LRRC8C: variants seen among roughly 807,000 people sequenced by gnomAD.
LRRC8C encodes the protein volume-regulated anion channel subunit LRRC8C.
In LRRC8C, 20 loss-of-function variants were observed where a neutral mutation model predicts 55.3. The observed-to-expected ratio is 0.36, with a 90% confidence interval of 0.25 to 0.53. The LOEUF is 0.53. Among genes scored for constraint, LRRC8C ranks in the 20% least tolerant of loss-of-function variants. The pLI, the probability that LRRC8C is intolerant of heterozygous loss-of-function variation, is 0.92. For missense variants in LRRC8C, 659 were observed against 951.4 expected (o/e 0.69, Z 4.04); for synonymous variants, 376 against 360.7 (o/e 1.04, Z -0.48).
At chr1:89,674,905 C>G (rs1657512788) in intron 1 of LRRC8C, among the ~76,000 whole-genome samples, 1 of 152,204 alleles carries the variant, frequency 6.6e-6, no homozygotes, top group Non-Finnish European at 1.5e-5. Context: ...AAACATCAGT[C>G]TCTTGGTTTC....
Position 89,710,233 on chromosome 1 carries a change from G to C in LRRC8C, c.139-2476G>C, listed in dbSNP as rs190349223. 1.5e-4 allele frequency among the ~76,000 whole-genome samples: 23 copies of C among 152,230 alleles called. 1 individual carries two copies. In the East Asian group the frequency reaches 3.1e-3, roughly 20 times the overall value. On this transcript the variant is annotated intron_variant, in intron 2 of 2. Transcript: ENST00000370454. ...ATGAACAGGAAAGCATCTGGAACAT[G>C]ATCCCAAGCCCTTCTCTTTTATGTT...
intron 1 of LRRC8C, chr1:89,661,309 G>A: frequency 2.8e-6 from 1 of 354,392 alleles, no homozygotes; most frequent in Non-Finnish European, 5.6e-6. Flanking sequence ...CAGGGCTCTG[G>A]ATTATTCTTT....
chr1:89,686,363 G>C (rs1657883316), intron 1 of LRRC8C, 107 bp from the exon 2 acceptor site: 1 of 1,146,560 alleles, frequency 8.7e-7, no homozygotes, highest in Non-Finnish European at 1.3e-6. Flanking sequence ...GACAGCTCTT[G>C]AACTAATTCA....
chr1:89,619,270 T>C, the LRRC8C span, among the ~76,000 whole-genome samples: 1 of 152,076 alleles, frequency 6.6e-6, no homozygotes, highest in Non-Finnish European at 1.5e-5. Context: ...TTCTCAAAAA[T>C]ACAATTTCCT....
chr1:89,691,355 ACT>A (rs1284299965), intron 2 of LRRC8C, among the ~76,000 whole-genome samples: 1 of 152,062 alleles, frequency 6.6e-6, no homozygotes, highest in Non-Finnish European at 1.5e-5. Flanking sequence ...GAAGGGGAAA[ACT>A]CAGCATTAAC....
rs145795879 is a variant in LRRC8C, at chr1:89,701,825, C to T, written c.139-10884C>T. 5.3e-5 allele frequency among the ~76,000 whole-genome samples: 8 copies of T among 152,246 alleles called. No individual in the cohort carries two copies. The East Asian group carries it at 1.5e-3, about 29-fold the overall frequency. On this transcript the variant is annotated intron_variant, in intron 2 of 2. Coordinates refer to ENST00000370454, the MANE Select transcript of LRRC8C (RefSeq NM_032270.5). ...TACACAGACCCCAAAGCAAGATGAGCGTTTCTGTGGAGCACAAATGGAACG... is the reference window on the plus strand; with the variant it reads ...TACACAGACCCCAAAGCAAGATGAGTGTTTCTGTGGAGCACAAATGGAACG...
chr1:89,634,610 G>A (rs11800665), intron 1 of LRRC8C, among the ~76,000 whole-genome samples: 7,212 of 152,182 alleles, frequency 0.047, 581 homozygotes, highest in African/African-American at 0.17. Context: ...CTGCAAAATC[G>A]CCAGAGCCAA....
intron 2 of LRRC8C, among the ~76,000 whole-genome samples, chr1:89,708,225 T>C (rs72712581): frequency 3.9e-5 from 6 of 152,160 alleles, no homozygotes; most frequent in Non-Finnish European, 8.8e-5. Context: ...TTGCTCCATG[T>C]GATAATGTGT....
At chr1:89,666,890 G>A (rs1232812434) in intron 1 of LRRC8C, among the ~76,000 whole-genome samples, 1 of 152,100 alleles carries the variant, frequency 6.6e-6, no homozygotes, top group Non-Finnish European at 1.5e-5. Context: ...ATGCAGCAGA[G>A]AGATAGAAGT....
At chr1:89,638,544 T>C (rs1656359313) in intron 1 of LRRC8C, among the ~76,000 whole-genome samples, 1 of 152,174 alleles carries the variant, frequency 6.6e-6, no homozygotes, top group East Asian at 1.9e-4. Context: ...AAAAGTGCCA[T>C]ATAAAACTTA....
At chr1:89,693,718 C>T (rs113095998) in intron 2 of LRRC8C, among the ~76,000 whole-genome samples, 7,103 of 127,094 alleles carry the variant, frequency 0.056, 585 homozygotes, top group African/African-American at 0.2. Flanking sequence ...AGTGCAGAGG[C>T]GCGGTCTCGG....
chr1:89,714,533 C>T lies in LRRC8C; in HGVS notation c.1963C>T (p.His655Tyr). 6.2e-7 allele frequency: 1 copy of T among 1,614,138 alleles called. No homozygotes were observed. ...WHNSITYIPE[H>Y]IKKLTSLERL... is the part of the protein sequence containing the mutation. ...TAACAGCATCACCTACATCCCAGAG[C>T]ATATAAAGAAACTCACCAGCCTGGA... is the stretch of plus-strand genomic sequence containing the variant. The change falls in exon 3 of 3, where the codon CAT becomes TAT. Residue 655 changes from histidine (H) to tyrosine (Y), a missense_variant. By Grantham distance (83) the His-to-Tyr change is moderately conservative. Transcript: ENST00000370454. The surrounding 1 kb of genome is among the most constrained non-coding windows in gnomAD (Gnocchi z 4.6).
chr1:89,638,924 A>G (rs1219211834), intron 1 of LRRC8C, among the ~76,000 whole-genome samples: 4 of 143,356 alleles, frequency 2.8e-5, no homozygotes, highest in African/African-American at 7.8e-5. Flanking sequence ...GTATGTCTCT[A>G]TTAGAGAATT....
intron 1 of LRRC8C, among the ~76,000 whole-genome samples, chr1:89,663,318 C>G (rs2101219195): frequency 6.6e-6 from 1 of 152,208 alleles, no homozygotes; most frequent in South Asian, 2.1e-4. Context: ...TGCCTGTAAT[C>G]CCAGCACTTT....
chr1:89,633,784 C>T (rs1351584292), intron 1 of LRRC8C, among the ~76,000 whole-genome samples: 1 of 152,176 alleles, frequency 6.6e-6, no homozygotes, highest in East Asian at 1.9e-4. Context: ...CACTTTTGGG[C>T]AGGGAAAGGA....
At chr1:89,663,757 G>A (rs1026965116) in intron 1 of LRRC8C, among the ~76,000 whole-genome samples, 7 of 152,082 alleles carry the variant, frequency 4.6e-5, no homozygotes, top group African/African-American at 1.2e-4. Flanking sequence ...GTGTAAAAGC[G>A]TTCCTGTTTC....
chr1:89,669,438 C>G (rs984556363), intron 1 of LRRC8C, among the ~76,000 whole-genome samples: 2 of 151,980 alleles, frequency 1.3e-5, no homozygotes, highest in African/African-American at 4.8e-5. Flanking sequence ...ATATTGTGCT[C>G]TTACCAAAAT....
At chr1:89,663,427 G>A (rs1027058808) in intron 1 of LRRC8C, among the ~76,000 whole-genome samples, 12 of 152,034 alleles carry the variant, frequency 7.9e-5, no homozygotes, top group South Asian at 2.1e-4. Context: ...AAAATTAGCC[G>A]GGCTTGGTGG....
chr1:89,686,526 G>T lies in LRRC8C; in HGVS notation c.53G>T (p.Arg18Leu). The T allele has an allele frequency of 6.2e-7, 1 of 1,614,162 alleles. No individual in the cohort carries two copies. Among genetic ancestry groups the T allele is most frequent in the Non-Finnish European group, 8.5e-7 (1 of 1,180,022 alleles). The change falls in exon 2 of 3, where the codon CGA becomes CTA. Residue 18 changes from arginine to leucine, a missense_variant. Physicochemically the swap from Arg to Leu is moderately radical, Grantham distance 102. Around this residue, in one of 5 missense-constraint regions of LRRC8C, gnomAD observed 17 missense variants for 38.2 expected, o/e 0.44. Transcript: ENST00000370454. The part of the protein sequence containing the change: ...RQFSEQQPAF[R>L]VLKPWWDVFT... ...TTCTCTGAGCAGCAGCCTGCCTTCC[G>T]AGTGCTGAAGCCATGGTGGGATGTG... is the stretch of plus-strand genomic sequence containing the variant.
Sources: gnomAD v4.1 joint callset for allele counts (sites outside exome capture counted in the v4.1 genomes callset) on GRCh38, gnomAD v4.1.1 for gene constraint, gnomAD v4.1.1 regional missense constraint, Gnocchi (gnomAD v3.1) non-coding constraint, MANE v1.5 for transcripts, NCBI Gene and HGNC (gene_info 2026-07-23, HGNC 2026-07-21) for gene names.